The following ADAM23 variants were observed in gnomAD, a reference collection of about 807,000 sequenced individuals.
ADAM23 encodes disintegrin and metalloproteinase domain-containing protein 23.
A neutral mutation model predicts 120.1 loss-of-function variants in ADAM23; 33 were observed. The observed-to-expected ratio is 0.27, with a 90% confidence interval of 0.21 to 0.37. The LOEUF (loss-of-function observed/expected upper bound fraction) is 0.37, where lower values mean the gene tolerates loss of function less well. Ranked by LOEUF, ADAM23 falls within the 10% of genes least tolerant of loss-of-function variation. The pLI is 1.00. For missense variants in ADAM23, 862 were observed against 1,058.2 expected (o/e 0.81, Z 2.57); for synonymous variants, 367 against 375.2 (o/e 0.98, Z 0.25).
At chr2:206,509,083 G>A (rs1040483790) in intron 3 of ADAM23, among the ~76,000 whole-genome samples, 8 of 152,202 alleles carry the variant, frequency 5.3e-5, no homozygotes, top group Non-Finnish European at 4.4e-5. Context: ...GTTTATATTA[G>A]TTTCTTTTTC....
Position 206,573,210 on chromosome 2 carries a change from G to T in ADAM23, c.1737+15G>T. On this transcript the variant is annotated intron_variant, in intron 18 of 25. Coordinates refer to ENST00000264377, the MANE Select transcript of ADAM23 (RefSeq NM_003812.4). ...ACTCTGGTCAGGTATGGCGCACTGA[G>T]TTTTTGGTAATACATTTTACTTGTA... 2 of 1,612,138 alleles carry T rather than the reference G, an allele frequency of 1.2e-6. No individual in the cohort carries two copies. The highest frequency in any genetic ancestry group is 8.5e-7 in the Non-Finnish European group (1 of 1,178,250).
At chr2:206,596,191 G>C in intron 24 of ADAM23, 29 bp downstream of exon 24, 1 of 1,532,354 alleles carries the variant, frequency 6.5e-7, no homozygotes, top group Non-Finnish European at 9.0e-7. Context: ...TCAATTCATG[G>C]AATACTGAAT....
Position 206,540,207 on chromosome 2 carries a change from C to T in ADAM23, c.574-1845C>T, listed in dbSNP as rs562958926. Among the ~76,000 whole-genome samples the T allele has an allele frequency of 4.0e-4, 55 of 136,796 alleles. No homozygotes were observed. The South Asian group carries it at 6.9e-3, about 17-fold the overall frequency. The allele number at this position is 136,796 out of a possible 152,430, so 89.7% of individuals were successfully genotyped here. The stretch of plus-strand genomic sequence containing the variant: ...AAAAAGAAAAGAAAAGAAAAGCAGC[C>T]CTTCACTGTACACACACACACACAC... On this transcript the variant is annotated intron_variant, in intron 4 of 25. Coordinates refer to ENST00000264377, the MANE Select transcript of ADAM23 (RefSeq NM_003812.4).
chr2:206,604,113 A>G (rs1369511861), intron 24 of ADAM23, among the ~76,000 whole-genome samples: 1 of 152,084 alleles, frequency 6.6e-6, no homozygotes, highest in Non-Finnish European at 1.5e-5. Context: ...TAAAAATACA[A>G]AAATTAGCCG....
intron 18 of ADAM23, among the ~76,000 whole-genome samples, chr2:206,583,497 A>G (rs939951915): frequency 4.6e-5 from 7 of 151,564 alleles, no homozygotes; most frequent in Non-Finnish European, 7.4e-5. Flanking sequence ...AGGTACACCA[A>G]TTATTCTTTG....
intron 6 of ADAM23, among the ~76,000 whole-genome samples, chr2:206,544,439 T>C (rs565737374): frequency 1.3e-5 from 2 of 152,248 alleles, no homozygotes; most frequent in East Asian, 3.9e-4. Flanking sequence ...CTGGGTATTA[T>C]TTTAGGTTCT....
rs555283495 is a variant in ADAM23 at position 206,571,336 on chromosome 2, G to A, written c.1567-391G>A. Among the ~76,000 whole-genome samples, 163 of 152,208 alleles carry A rather than the reference G, an allele frequency of 1.1e-3. 1 individual carries two copies. The highest frequency in any genetic ancestry group is 1.8e-3 in the Non-Finnish European group (123 of 68,012). ...TAAAAATACAAAAAATTAGCCGGGC[G>A]CGGTGGCGGGCGCCTGTAGTCCCAG... On this transcript the variant is annotated intron_variant, in intron 16 of 25. Transcript: ENST00000264377.
intron 3 of ADAM23, among the ~76,000 whole-genome samples, chr2:206,498,812 AC>A (rs1696316708): frequency 6.6e-6 from 1 of 152,196 alleles, no homozygotes; most frequent in African/African-American, 2.4e-5. Flanking sequence ...CAAGAAAAAA[AC>A]AACCCCATCA....
chr2:206,487,419 C>G (rs1214169719), intron 3 of ADAM23, among the ~76,000 whole-genome samples: 1 of 152,110 alleles, frequency 6.6e-6, no homozygotes, highest in Non-Finnish European at 1.5e-5. Flanking sequence ...TTGGTAGGCC[C>G]TGGGTTGATA....
At chr2:206,513,101 A>G (rs1045450435) in intron 3 of ADAM23, among the ~76,000 whole-genome samples, 2 of 152,132 alleles carry the variant, frequency 1.3e-5, no homozygotes, top group Non-Finnish European at 2.9e-5. Flanking sequence ...CAATTTTGAA[A>G]TTAGGTCAAT....
chr2:206,620,818 G>A lies in ADAM23; in HGVS notation c.*3191G>A, dbSNP rs754382963. ...GCAGTGGAGTTTTACCAAGTGGTGTGTGTGGTTTTTGTTTTTTACTATGCA... is the reference window on the plus strand; with the variant it reads ...GCAGTGGAGTTTTACCAAGTGGTGTATGTGGTTTTTGTTTTTTACTATGCA... On this transcript the variant is annotated 3_prime_UTR_variant, in exon 26 of 26. Coordinates refer to ENST00000264377, the MANE Select transcript of ADAM23 (RefSeq NM_003812.4). 1.3e-5 allele frequency: 2 copies of A among 152,114 alleles called. No homozygotes were observed. The highest frequency in any genetic ancestry group is 6.5e-5 in the Admixed American group (1 of 15,272). 9.4% of individuals were successfully genotyped at this position (152,114 alleles called of 1,614,324 possible).
intron 2 of ADAM23, among the ~76,000 whole-genome samples, chr2:206,463,173 A>G (rs1695461225): frequency 1.3e-5 from 2 of 152,338 alleles, no homozygotes; most frequent in South Asian, 2.1e-4. Context: ...GTTCTCTTGC[A>G]TGGCAGAAGA....
At chr2:206,455,501 T>A (rs1210598957) in intron 2 of ADAM23, among the ~76,000 whole-genome samples, 1 of 152,214 alleles carries the variant, frequency 6.6e-6, no homozygotes, top group African/African-American at 2.4e-5. Context: ...TGCAGCAGGC[T>A]TGAATTTCTC....
rs907301916 is a variant in ADAM23 at position 206,444,882 on chromosome 2, G to A, written c.215-425G>A. ...AGGAGCGTTCTTAGCTCTTGGATGG[G>A]ATGCCACTAGGCAGAGTAGAGTTGT... On this transcript the variant is annotated intron_variant, in intron 1 of 25. Coordinates refer to ENST00000264377, the MANE Select transcript of ADAM23 (RefSeq NM_003812.4). Among the ~76,000 whole-genome samples the A allele has an allele frequency of 9.2e-5, 14 of 152,310 alleles. No homozygotes were observed. The East Asian group carries it at 1.9e-3, about 21-fold the overall frequency.
At chr2:206,501,525 A>G (rs1225759997) in intron 3 of ADAM23, among the ~76,000 whole-genome samples, 4 of 152,120 alleles carry the variant, frequency 2.6e-5, no homozygotes, top group Admixed American at 2.0e-4. Flanking sequence ...GTATGTGTTT[A>G]CCTAGAATAT....
chr2:206,544,125 G>GA lies in ADAM23; in HGVS notation c.720+818dup, dbSNP rs200279280. ...GTTCCCCAAAAACCTATTGAAATTA[G>GA]AAAAAAAAACAGCTTTCATTCTTAC... On this transcript the variant is annotated intron_variant, in intron 6 of 25. Transcript: ENST00000264377. Among the ~76,000 whole-genome samples, 321 of 149,482 alleles carry GA rather than the reference G, an allele frequency of 2.1e-3. 5 individuals are homozygous for GA. Among genetic ancestry groups the GA allele is most frequent in the South Asian group, 0.013 (60 of 4,728 alleles).
chr2:206,542,057 A>G lies in ADAM23; in HGVS notation c.579A>G (p.Gly193=). The change falls in exon 5 of 26, where the codon GGA becomes GGG. Residue 193 remains glycine (G), a synonymous_variant. Transcript: ENST00000264377. The stretch of plus-strand genomic sequence containing the variant: ...CAATGAAACCTGCTTTCCAGGGTGG[A>G]GAGCACTGTTACTACCATGGAAGCA... ...ENGKPQYSKG[G]EHCYYHGSIR... is the part of the protein sequence containing the mutation. The G allele has an allele frequency of 6.2e-7, 1 of 1,614,138 alleles. No homozygotes were observed. Among genetic ancestry groups the G allele is most frequent in the Non-Finnish European group, 8.5e-7 (1 of 1,180,008 alleles).
At chr2:206,599,226 T>A (rs1158259127) in intron 24 of ADAM23, among the ~76,000 whole-genome samples, 2 of 150,680 alleles carry the variant, frequency 1.3e-5, no homozygotes, top group Non-Finnish European at 3.0e-5. Context: ...AAAAAAGAGA[T>A]AAGCATTCTG....
intron 15 of ADAM23, among the ~76,000 whole-genome samples, chr2:206,570,468 A>G (rs1409462446): frequency 3.3e-5 from 5 of 152,206 alleles, no homozygotes; most frequent in Non-Finnish European, 4.4e-5. Flanking sequence ...TGTCTCCATG[A>G]AAAGTAACTC....
Sources: allele counts gnomAD v4.1 joint callset (sites outside exome capture counted in the v4.1 genomes callset), GRCh38; gene constraint gnomAD v4.1.1; transcripts MANE v1.5; gene names NCBI Gene and HGNC (gene_info 2026-07-23, HGNC 2026-07-21).